The following ZKSCAN8 variants were observed in gnomAD, a reference collection of about 807,000 sequenced individuals.
The protein encoded by ZKSCAN8 is zinc finger protein with KRAB and SCAN domains 8.
Under a neutral mutation model 57.2 loss-of-function variants are expected in ZKSCAN8, and 27 were observed. The ratio of observed to expected loss-of-function variants is 0.47; its 90% confidence interval spans 0.35 to 0.65. The LOEUF (loss-of-function observed/expected upper bound fraction) is 0.65. Ranked by LOEUF, ZKSCAN8 falls within the 30% of genes least tolerant of loss-of-function variation. The pLI is 0.01. For missense variants in ZKSCAN8, 597 were observed against 696.3 expected (o/e 0.86, Z 1.60); for synonymous variants, 214 against 248.7 (o/e 0.86, Z 1.31).
chr6:28,157,142 CAAGG>C lies in ZKSCAN8; in HGVS notation c.*3127_*3130del, dbSNP rs1404017391. 6.6e-6 allele frequency: 1 copy of C among 152,446 alleles called. No individual in the cohort carries two copies. Among genetic ancestry groups the C allele is most frequent in the Non-Finnish European group, 1.5e-5 (1 of 68,318 alleles). 9.4% of individuals were successfully genotyped at this position (152,446 alleles called of 1,614,324 possible). The stretch of plus-strand genomic sequence containing the variant: ...GACGCCTCACAATCATGGTGGAAGG[CAAGG>C]AGGAGCAAATCATGTCTTATACATG... On this transcript the variant is annotated 3_prime_UTR_variant, in exon 6 of 6. Transcript: ENST00000330236.
intron 1 of ZKSCAN8, among the ~76,000 whole-genome samples, chr6:28,147,350 C>A (rs1238054345): frequency 1.3e-5 from 2 of 152,076 alleles, no homozygotes; most frequent in Non-Finnish European, 2.9e-5. Context: ...ACTACACATA[C>A]ACCTATTAGA....
Position 28,148,824 on chromosome 6 carries a change from A to G in ZKSCAN8, c.417A>G (p.Pro139=), listed in dbSNP as rs752530180. Residue 139 remains proline, a splice_region_variant and synonymous_variant, in exon 2 of 6, where the codon CCA becomes CCG. Transcript: ENST00000330236. ...GGCAGATTGATATACTAGGACGACC[A>G]GTAAGTAGAAGGAGGTATGCGTGCT... ...LERQIDILGR[P]VSARVHGHRV... 6.2e-7 allele frequency: 1 copy of G among 1,610,446 alleles called. No homozygotes were observed. Among genetic ancestry groups the G allele is most frequent in the Non-Finnish European group, 8.5e-7 (1 of 1,177,740 alleles).
At position 28,156,361 on chromosome 6, in the gene ZKSCAN8, T is replaced by A; in HGVS notation, c.*2344T>A. ...CTAAAGTCTCTTTATGTGTCAGTAT[T>A]AAGAGTAATATGTAGCCAGATTACT... On this transcript the variant is annotated 3_prime_UTR_variant, in exon 6 of 6. Coordinates refer to ENST00000330236, the MANE Select transcript of ZKSCAN8 (RefSeq NM_006298.4). The A allele has an allele frequency of 2.5e-6, 1 of 396,258 alleles. No individual in the cohort carries two copies. The allele number at this position is 396,258 out of a possible 1,614,324, so 24.5% of individuals were successfully genotyped here. A position where few individuals can be genotyped will look rare whatever the true frequency, so the allele number is the denominator to read the frequency against.
rs1015778553 is a variant in ZKSCAN8, at chr6:28,156,061, C to T, written c.*2044C>T. ...TGCTCTGTGTTTCAGTTGTGCCTTA[C>T]CCTCTGTAAGATACTGATTCTTCCT... On this transcript the variant is annotated 3_prime_UTR_variant, in exon 6 of 6. Transcript: ENST00000330236. 7.5e-6 allele frequency: 3 copies of T among 397,814 alleles called. No homozygotes were observed. Among genetic ancestry groups the T allele is most frequent in the African/African-American group, 4.1e-5 (2 of 48,584 alleles). 24.6% of individuals were successfully genotyped at this position (397,814 alleles called of 1,614,324 possible). A position where few individuals can be genotyped will look rare whatever the true frequency, so the allele number is the denominator to read the frequency against.
Position 28,148,580 on chromosome 6 carries a change from G to T in ZKSCAN8, c.173G>T (p.Arg58Leu). 6.2e-7 allele frequency: 1 copy of T among 1,614,092 alleles called. No individual in the cohort carries two copies. Among genetic ancestry groups the T allele is most frequent in the Non-Finnish European group, 8.5e-7 (1 of 1,180,010 alleles). The change falls in exon 2 of 6, where the codon CGC becomes CTC. Residue 58 changes from arginine to leucine, a missense_variant. Arg to Leu is a moderately radical substitution (Grantham distance 102). Transcript: ENST00000330236. ...TTCCGCCTGCGCTTCAGGCAGTTAC[G>T]CTACCAGGAGACACTAGGACCCCGA... Reference protein sequence around the residue: ...EVFRLRFRQLRYQETLGPREA... With the variant: ...EVFRLRFRQLLYQETLGPREA...
At position 28,156,005 on chromosome 6, in the gene ZKSCAN8, A is replaced by G. The variant is rs1765768196; in HGVS notation, c.*1988A>G. 2.5e-6 allele frequency: 1 copy of G among 396,720 alleles called. No individual in the cohort carries two copies. Among genetic ancestry groups the G allele is most frequent in the Non-Finnish European group, 4.4e-6 (1 of 225,164 alleles). The allele number at this position is 396,720 out of a possible 1,614,324, so 24.6% of individuals were successfully genotyped here. ...TGTACTTGAAATTTTAAGAAACCAG[A>G]AACAAGTAAATCTGGTTGTATCTAG... is the stretch of plus-strand genomic sequence containing the variant. On this transcript the variant is annotated 3_prime_UTR_variant, in exon 6 of 6. Coordinates refer to ENST00000330236, the MANE Select transcript of ZKSCAN8 (RefSeq NM_006298.4).
At chr6:28,147,035 C>G (rs1033346840) in intron 1 of ZKSCAN8, among the ~76,000 whole-genome samples, 1 of 151,884 alleles carries the variant, frequency 6.6e-6, no homozygotes, top group Non-Finnish European at 1.5e-5. Flanking sequence ...GATATGACAT[C>G]AAAAGCACAG....
At chr6:28,149,334 G>T (rs1561819750) in intron 2 of ZKSCAN8, 149 bp from the exon 3 acceptor site, 3 of 1,033,592 alleles carry the variant, frequency 2.9e-6, no homozygotes, top group East Asian at 5.0e-5. Context: ...TTACGTATTC[G>T]TGTTCCTTAC....
chr6:28,150,645 TA>T (rs1765562429), intron 3 of ZKSCAN8, among the ~76,000 whole-genome samples: 1 of 152,204 alleles, frequency 6.6e-6, no homozygotes, highest in Non-Finnish European at 1.5e-5. Flanking sequence ...TAGTGATTAC[TA>T]GAATGGTTAT....
At chr6:28,143,758 A>T (rs4713146) in intron 1 of ZKSCAN8, among the ~76,000 whole-genome samples, 34,879 of 152,046 alleles carry the variant, frequency 0.23, 4,142 homozygotes, top group African/African-American at 0.28. Context: ...ATTGACCTTT[A>T]AGTTTTTAAC....
In ZKSCAN8 at chr6:28,154,567, A is replaced by G. The variant is rs9468298; in HGVS notation, c.*550A>G. 0.23 allele frequency: 34,938 copies of G among 152,306 alleles called. 4,153 individuals carry two copies. The highest frequency in any genetic ancestry group is 0.28 in the African/African-American group (11,754 of 41,444). The allele number at this position is 152,306 out of a possible 1,614,324, so 9.4% of individuals were successfully genotyped here. On this transcript the variant is annotated 3_prime_UTR_variant, in exon 6 of 6. Transcript: ENST00000330236. ...GCTTAAGTGTGCATTTTTTTATTCT[A>G]ATATTCCTTCTAGTCAGTGGAAATT...
At position 28,148,660 on chromosome 6, in the gene ZKSCAN8, A is replaced by G. The variant is rs747161257; in HGVS notation, c.253A>G (p.Asn85Asp). The G allele has an allele frequency of 6.2e-7, 1 of 1,614,034 alleles. No individual in the cohort carries two copies. Among genetic ancestry groups the G allele is most frequent in the South Asian group, 1.1e-5 (1 of 91,080 alleles). ...CCATCAGTGGCTGAGGCCAGATTTG[A>G]ACACCAAGGAACAGATCCTGGAGCT... ...LCHQWLRPDL[N>D]TKEQILELLV... Residue 85 changes from asparagine (N) to aspartate (D), a missense_variant, in exon 2 of 6, where the codon AAC becomes GAC. Transcript: ENST00000330236.
At chr6:28,148,192 GGGGA>G (rs1765464103) in intron 1 of ZKSCAN8, 120 bp from the exon 2 acceptor site, 2 of 489,864 alleles carry the variant, frequency 4.1e-6, no homozygotes, top group Non-Finnish European at 7.3e-6. Flanking sequence ...CTGGAACAGT[GGGGA>G]GGATCATTTA....
intron 1 of ZKSCAN8, among the ~76,000 whole-genome samples, chr6:28,145,969 C>A (rs1173398437): frequency 6.6e-6 from 1 of 152,116 alleles, no homozygotes; most frequent in African/African-American, 2.4e-5. Flanking sequence ...CATTTCAACA[C>A]ACAGTAGGCA....
In ZKSCAN8 at chr6:28,153,293, TTC is replaced by T; in HGVS notation, c.1014_1015del (p.Arg339ProfsTer14). 6.2e-7 allele frequency: 1 copy of T among 1,614,218 alleles called. No individual in the cohort carries two copies. Among genetic ancestry groups the T allele is most frequent in the Non-Finnish European group, 8.5e-7 (1 of 1,180,036 alleles). ...AGCTTTGCTCAGAGCTCAGGCCTTG[TTC>T]GCCACTGGAGAATCCACACTGGGGA... On this transcript the variant is annotated frameshift_variant, in exon 6 of 6. Coordinates refer to ENST00000330236, the MANE Select transcript of ZKSCAN8 (RefSeq NM_006298.4). LOFTEE classifies it high-confidence loss of function.
rs1765651704 is a variant in ZKSCAN8 at position 28,153,139 on chromosome 6, G to A, written c.859G>A (p.Ala287Thr). 1 of 1,614,112 alleles carries A rather than the reference G, an allele frequency of 6.2e-7. No individual in the cohort carries two copies. The highest frequency in any genetic ancestry group is 1.3e-5 in the African/African-American group (1 of 74,930). ...TGIQPHGETA[A>T]KCNGDVIRGL... ...AATCCAGCCACATGGAGAGACAGCT[G>A]CCAAATGCAACGGGGATGTTATCAG... Residue 287 changes from alanine to threonine, a missense_variant, in exon 6 of 6, where the codon GCC becomes ACC. By Grantham distance (58) the Ala-to-Thr change is moderately conservative. Coordinates refer to ENST00000330236, the MANE Select transcript of ZKSCAN8 (RefSeq NM_006298.4).
At chr6:28,142,138 C>G (rs1339802190) in intron 1 of ZKSCAN8, 109 bp downstream of exon 1, 2 of 152,228 alleles carry the variant, frequency 1.3e-5, no homozygotes, top group Admixed American at 6.5e-5. Context: ...GTGCGGTGTT[C>G]GGCGCCGCGG....
At chr6:28,147,042 A>T (rs2791334) in intron 1 of ZKSCAN8, among the ~76,000 whole-genome samples, 9,969 of 152,192 alleles carry the variant, frequency 0.066, 353 homozygotes, top group South Asian at 0.12. Context: ...CATCAAAAGC[A>T]CAGTCAATTA....
rs575181966 is a variant in ZKSCAN8, at chr6:28,159,133, C to T, written c.*5116C>T. On this transcript the variant is annotated 3_prime_UTR_variant, in exon 6 of 6. Coordinates refer to ENST00000330236, the MANE Select transcript of ZKSCAN8 (RefSeq NM_006298.4). Reference sequence around the variant, plus strand: ...CTTTGGTCCCAGCTCATGTTCATCACTCCCTTCAAAGCCTTTCTTCCTTTA... The same window carrying T: ...CTTTGGTCCCAGCTCATGTTCATCATTCCCTTCAAAGCCTTTCTTCCTTTA... 1 of 152,234 alleles carries T rather than the reference C, an allele frequency of 6.6e-6. No homozygotes were observed. Among genetic ancestry groups the T allele is most frequent in the Non-Finnish European group, 1.5e-5 (1 of 68,084 alleles). 9.4% of individuals were successfully genotyped at this position (152,234 alleles called of 1,614,324 possible).
Sources: allele counts gnomAD v4.1 joint callset (sites outside exome capture counted in the v4.1 genomes callset), GRCh38; gene constraint gnomAD v4.1.1; transcripts MANE v1.5; gene names NCBI Gene and HGNC (gene_info 2026-07-23, HGNC 2026-07-21).